Variants in BPNT2 observed in about 807,000 individuals in gnomAD.
The protein encoded by BPNT2 is Golgi-resident adenosine 3',5'-bisphosphate 3'-phosphatase.
In BPNT2, 11 loss-of-function variants were observed where a neutral mutation model predicts 29.3. The ratio of observed to expected loss-of-function variants is 0.38; its 90% confidence interval spans 0.24 to 0.62. BPNT2 has a LOEUF of 0.62. BPNT2 is among the 20% of genes least tolerant of loss of function. BPNT2 has a pLI of 0.62. For missense variants in BPNT2, 459 were observed against 473.4 expected, an observed-to-expected ratio of 0.97 and a Z score of 0.28; for synonymous variants, 195 against 187.7, an observed-to-expected ratio of 1.04 and a Z score of -0.32.
chr8:56,959,847 C>T lies in BPNT2; in HGVS notation c.*3946G>A, dbSNP rs1328665539. On this transcript the variant is annotated 3_prime_UTR_variant, in exon 5 of 5. Coordinates refer to ENST00000262644, the MANE Select transcript of BPNT2 (RefSeq NM_017813.5). ...CTTAAGTTTTAATGGCAAAAAGTTC[C>T]TATTTTCCCCCATCTACTAAAAAGG... 1 of 152,092 alleles carries T rather than the reference C, an allele frequency of 6.6e-6. No individual in the cohort carries two copies. The highest frequency in any genetic ancestry group is 1.5e-5 in the Non-Finnish European group (1 of 68,010). The allele number at this position is 152,092 out of a possible 1,614,324, so 9.4% of individuals were successfully genotyped here.
rs1034643757 is a variant in BPNT2 at position 56,962,967 on chromosome 8, G to A, written c.*826C>T. 3.3e-5 allele frequency: 5 copies of A among 152,170 alleles called. No individual in the cohort carries two copies. The highest frequency in any genetic ancestry group is 2.0e-4 in the Admixed American group (3 of 15,270). 9.4% of individuals were successfully genotyped at this position (152,170 alleles called of 1,614,324 possible). On this transcript the variant is annotated 3_prime_UTR_variant, in exon 5 of 5. Coordinates refer to ENST00000262644, the MANE Select transcript of BPNT2 (RefSeq NM_017813.5). ...AATGAGAAAATGAACCAAAACTATA[G>A]TGCTAACCCTGAAACCTTAAACCGA...
At position 56,963,043 on chromosome 8, in the gene BPNT2, C is replaced by G. The variant is rs951952996; in HGVS notation, c.*750G>C. 6.6e-6 allele frequency: 1 copy of G among 152,172 alleles called. No individual in the cohort carries two copies. The highest frequency in any genetic ancestry group is 2.4e-5 in the African/African-American group (1 of 41,430). The allele number at this position is 152,172 out of a possible 1,614,324, so 9.4% of individuals were successfully genotyped here. On this transcript the variant is annotated 3_prime_UTR_variant, in exon 5 of 5. Coordinates refer to ENST00000262644, the MANE Select transcript of BPNT2 (RefSeq NM_017813.5). ...TTGGTCAGAAGGAAAAGGATGCAAC[C>G]ATGCATCTTCCACAGGGAAAATGAA...
chr8:56,993,475 G>A lies in BPNT2; in HGVS notation c.111C>T (p.Ser37=), dbSNP rs1472588520. The change falls in exon 1 of 5, where the codon AGC becomes AGT. Residue 37 remains serine, a synonymous_variant. Transcript: ENST00000262644. ...LYSGFLAGRF[S]LFGLGGEPGG... ...CAGGCTCGCCGCCCAGGCCGAAGAG[G>A]CTGAAGCGGCCGGCCAAGAAGCCCG... The A allele has an allele frequency of 5.3e-6, 8 of 1,498,680 alleles. No individual in the cohort carries two copies. Among genetic ancestry groups the A allele is most frequent in the Non-Finnish European group, 7.1e-6 (8 of 1,124,642 alleles). 92.8% of individuals were successfully genotyped at this position (1,498,680 alleles called of 1,614,324 possible).
intron 3 of BPNT2, among the ~76,000 whole-genome samples, chr8:56,968,267 C>T (rs1805980436): frequency 6.6e-6 from 1 of 151,430 alleles, no homozygotes; most frequent in Non-Finnish European, 1.5e-5. Context: ...AGGCTTAGCA[C>T]TAAATCACAG....
intron 3 of BPNT2, among the ~76,000 whole-genome samples, chr8:56,972,209 A>G (rs1806048694): frequency 6.6e-6 from 1 of 152,100 alleles, no homozygotes; most frequent in Non-Finnish European, 1.5e-5. Context: ...CATATTTTTC[A>G]TAGTGTTTAG....
chr8:56,970,343 G>T (rs573076505), intron 3 of BPNT2, among the ~76,000 whole-genome samples: 3 of 152,238 alleles, frequency 2.0e-5, no homozygotes, highest in Non-Finnish European at 4.4e-5. Flanking sequence ...CAAGGATTCA[G>T]ATCTAATCTG....
intron 1 of BPNT2, among the ~76,000 whole-genome samples, chr8:56,990,981 G>A (rs968142440): frequency 1.3e-5 from 2 of 152,158 alleles, no homozygotes; most frequent in Non-Finnish European, 2.9e-5. Flanking sequence ...AACTAAGTGG[G>A]ATATAATTTA....
At chr8:56,986,719 C>T (rs1806331392) in intron 1 of BPNT2, among the ~76,000 whole-genome samples, 1 of 152,178 alleles carries the variant, frequency 6.6e-6, no homozygotes. Flanking sequence ...GCACAATCAT[C>T]TAACACAAAG....
intron 1 of BPNT2, among the ~76,000 whole-genome samples, chr8:56,992,461 T>C (rs1342176646): frequency 1.3e-5 from 2 of 152,150 alleles, no homozygotes; most frequent in East Asian, 1.9e-4. Context: ...AAATCCAAAA[T>C]GTCTGGATTT....
intron 1 of BPNT2, among the ~76,000 whole-genome samples, chr8:56,980,862 T>C (rs868274145): frequency 3.0e-4 from 41 of 134,432 alleles, no homozygotes; most frequent in Admixed American, 3.8e-4. Context: ...AAACCCCCCT[T>C]ACACATATAT....
At chr8:56,984,249 G>C (rs1443246099) in intron 1 of BPNT2, among the ~76,000 whole-genome samples, 2 of 152,164 alleles carry the variant, frequency 1.3e-5, no homozygotes, top group African/African-American at 2.4e-5. Context: ...AATCGGGTTA[G>C]GGAGAAACAG....
intron 3 of BPNT2, among the ~76,000 whole-genome samples, chr8:56,975,382 T>G (rs769180360): frequency 6.6e-6 from 1 of 152,162 alleles, no homozygotes; most frequent in Non-Finnish European, 1.5e-5. Flanking sequence ...CTAACTGATA[T>G]AGCGAGATAA....
In BPNT2 at chr8:56,961,122, C is replaced by T. The variant is rs1805825535; in HGVS notation, c.*2671G>A. On this transcript the variant is annotated 3_prime_UTR_variant, in exon 5 of 5. Coordinates refer to ENST00000262644, the MANE Select transcript of BPNT2 (RefSeq NM_017813.5). ...ACTGAGATCACTGATGTCACTGCCT[C>T]TACTAAATGTGGTGCATAAAAGTCA... The T allele has an allele frequency of 1.3e-5, 2 of 152,096 alleles. 1 individual carries two copies. The highest frequency in any genetic ancestry group is 2.9e-5 in the Non-Finnish European group (2 of 68,028). 9.4% of individuals were successfully genotyped at this position (152,096 alleles called of 1,614,324 possible).
intron 3 of BPNT2, among the ~76,000 whole-genome samples, chr8:56,969,264 C>G (rs1282860337): frequency 6.6e-6 from 1 of 152,178 alleles, no homozygotes; most frequent in East Asian, 1.9e-4. Context: ...GTATAACTAG[C>G]CAAGTAGTCT....
Position 56,962,040 on chromosome 8 carries a change from A to G in BPNT2, c.*1753T>C, listed in dbSNP as rs961371348. On this transcript the variant is annotated 3_prime_UTR_variant, in exon 5 of 5. Coordinates refer to ENST00000262644, the MANE Select transcript of BPNT2 (RefSeq NM_017813.5). Reference sequence around the variant, plus strand: ...ACCTTTGCCATCTCTCCTGAAAAAGAAAGTTTCTTCAGCTTATTGCAAAGG... The same window carrying G: ...ACCTTTGCCATCTCTCCTGAAAAAGGAAGTTTCTTCAGCTTATTGCAAAGG... 29 of 152,214 alleles carry G rather than the reference A, an allele frequency of 1.9e-4. No homozygotes were observed. Among genetic ancestry groups the G allele is most frequent in the African/African-American group, 7.0e-4 (29 of 41,456 alleles). 9.4% of individuals were successfully genotyped at this position (152,214 alleles called of 1,614,324 possible).
At chr8:56,971,790 C>CCCG (rs1554539135) in intron 3 of BPNT2, among the ~76,000 whole-genome samples, 1 of 145,954 alleles carries the variant, frequency 6.9e-6, no homozygotes, top group East Asian at 2.0e-4. Context: ...CCACCCCCCC[C>CCCG]CCCACAATGC....
At chr8:56,987,347 T>C (rs1585568044) in intron 1 of BPNT2, among the ~76,000 whole-genome samples, 1 of 152,220 alleles carries the variant, frequency 6.6e-6, no homozygotes, top group African/African-American at 2.4e-5. Flanking sequence ...AGATTAGCAT[T>C]TGAATCAGTG....
intron 1 of BPNT2, among the ~76,000 whole-genome samples, chr8:56,991,621 A>C (rs1408735320): frequency 6.6e-6 from 1 of 152,256 alleles, no homozygotes; most frequent in African/African-American, 2.4e-5. Context: ...CACGAGCCTC[A>C]GATTTCCCGT....
intron 4 of BPNT2, 61 bp downstream of exon 4, chr8:56,966,130 T>C: frequency 1.3e-6 from 2 of 1,572,562 alleles, no homozygotes; most frequent in East Asian, 2.2e-5. Context: ...ATTAGTCTCC[T>C]AACATAGCCT....
Sources: allele counts gnomAD v4.1 joint callset (sites outside exome capture counted in the v4.1 genomes callset), GRCh38; gene constraint gnomAD v4.1.1; transcripts MANE v1.5; gene names NCBI Gene and HGNC (gene_info 2026-07-23, HGNC 2026-07-21).